The following SGCZ variants were observed in gnomAD, a reference collection of about 807,000 sequenced individuals.
SGCZ encodes the protein zeta-sarcoglycan.
A neutral mutation model predicts 41.3 loss-of-function variants in SGCZ; 40 were observed. The observed-to-expected ratio is 0.97, with a 90% CI of 0.75 to 1.26. The LOEUF is 1.26. Among genes scored for constraint, SGCZ ranks in the 50% most tolerant of loss-of-function variants. SGCZ has a pLI of 0.00. For synonymous variants in SGCZ, 206 were observed against 137.5 expected (o/e 1.50, Z -3.49); for missense variants, 552 against 369.8 (o/e 1.49, Z -4.04).
intron 1 of SGCZ, among the ~76,000 whole-genome samples, chr8:14,883,402 C>T (rs777905784): frequency 2.0e-5 from 3 of 151,962 alleles, no homozygotes; most frequent in Non-Finnish European, 4.4e-5. Context: ...TCTACTTGTG[C>T]TTTAGCCATA....
Position 14,253,846 on chromosome 8 carries a change from A to T in SGCZ, c.337-16167T>A, listed in dbSNP as rs1799371433. 1.3e-5 allele frequency among the ~76,000 whole-genome samples: 2 copies of T among 152,162 alleles called. 1 individual carries two copies. Among genetic ancestry groups the T allele is most frequent in the South Asian group, 4.1e-4 (2 of 4,832 alleles). On this transcript the variant is annotated intron_variant, in intron 3 of 7. Coordinates refer to ENST00000382080, the MANE Select transcript of SGCZ (RefSeq NM_139167.4). ...ATTGGTATAAATAATTTTTTCTCTC[A>T]AAGTGTGAACCTTCTCCTAGTGGAG...
At position 14,164,459 on chromosome 8, in the gene SGCZ, T is replaced by A. The variant is rs147318625; in HGVS notation, c.547+121A>T. ...TTGAAGGCTACTTGAAGAACAAACG[T>A]TGTGATTATGTAAGACTCTACTTTA... On this transcript the variant is annotated intron_variant, in intron 5 of 7. Coordinates refer to ENST00000382080, the MANE Select transcript of SGCZ (RefSeq NM_139167.4). The A allele has an allele frequency of 4.3e-5, 52 of 1,208,650 alleles. No individual in the cohort carries two copies. The African/African-American group carries it at 7.5e-4, about 18-fold the overall frequency. The allele number at this position is 1,208,650 out of a possible 1,614,324, so 74.9% of individuals were successfully genotyped here.
intron 1 of SGCZ, among the ~76,000 whole-genome samples, chr8:14,933,909 G>A (rs938401090): frequency 3.3e-5 from 5 of 151,896 alleles, no homozygotes; most frequent in African/African-American, 1.2e-4. Flanking sequence ...AAAACACACA[G>A]GGACAAAATA....
chr8:14,405,000 A>G (rs1011522843), intron 2 of SGCZ, among the ~76,000 whole-genome samples: 1 of 152,132 alleles, frequency 6.6e-6, no homozygotes, highest in Non-Finnish European at 1.5e-5. Context: ...TCGTGATTGC[A>G]CATCCAGCCT....
At chr8:14,196,641 C>G (rs1805275881) in intron 4 of SGCZ, among the ~76,000 whole-genome samples, 1 of 152,090 alleles carries the variant, frequency 6.6e-6, no homozygotes, top group Non-Finnish European at 1.5e-5. Flanking sequence ...TCTATATGTT[C>G]ATCGACTGGT....
rs567485922 is a variant in SGCZ, at chr8:15,190,887, G to C, written c.39+46698C>G. ...CCCTAATTCAATCACAACTGGAAAA[G>C]GTATACAGTTAGTTCTTCTGAGTTT... On this transcript the variant is annotated intron_variant, in intron 1 of 7. Coordinates refer to ENST00000382080, the MANE Select transcript of SGCZ (RefSeq NM_139167.4). Among the ~76,000 whole-genome samples the C allele has an allele frequency of 1.3e-3, 192 of 151,984 alleles. 4 individuals carry two copies. In the South Asian group the frequency reaches 0.014, roughly 11 times the overall value.
intron 1 of SGCZ, among the ~76,000 whole-genome samples, chr8:14,708,293 A>C (rs1809395748): frequency 6.6e-6 from 1 of 151,972 alleles, no homozygotes; most frequent in South Asian, 2.1e-4. Flanking sequence ...TTTTTCATAG[A>C]ATATTAATTT....
intron 2 of SGCZ, among the ~76,000 whole-genome samples, chr8:14,357,300 G>A (rs1378302989): frequency 6.6e-6 from 1 of 152,010 alleles, no homozygotes; most frequent in Non-Finnish European, 1.5e-5. Flanking sequence ...TAGTAGCAAA[G>A]CATACTTTGA....
chr8:14,097,368 G>A (rs1186195357), intron 7 of SGCZ, among the ~76,000 whole-genome samples: 1 of 152,162 alleles, frequency 6.6e-6, no homozygotes, highest in Non-Finnish European at 1.5e-5. Flanking sequence ...TAGTCATTCA[G>A]GAGCAGGTTG....
chr8:14,973,376 G>T (rs1405639437), intron 1 of SGCZ, among the ~76,000 whole-genome samples: 1 of 152,026 alleles, frequency 6.6e-6, no homozygotes, highest in Non-Finnish European at 1.5e-5. Context: ...TTTCCTTGCT[G>T]GTTGGTAAAG....
intron 1 of SGCZ, among the ~76,000 whole-genome samples, chr8:15,209,939 A>G (rs1244540438): frequency 3.9e-5 from 6 of 152,280 alleles, no homozygotes; most frequent in Non-Finnish European, 8.8e-5. Flanking sequence ...ATTATATTTT[A>G]GGAGATGGCA....
At chr8:14,672,879 A>G (rs561165947) in intron 1 of SGCZ, among the ~76,000 whole-genome samples, 13 of 152,172 alleles carry the variant, frequency 8.5e-5, no homozygotes, top group Non-Finnish European at 1.6e-4. Flanking sequence ...GGTCAGAAAA[A>G]TATTTTAGCC....
intron 2 of SGCZ, among the ~76,000 whole-genome samples, chr8:14,487,033 G>A (rs1265513104): frequency 6.6e-6 from 1 of 152,088 alleles, no homozygotes; most frequent in Non-Finnish European, 1.5e-5. Flanking sequence ...GAACAGTGAC[G>A]TGTTCACACT....
At chr8:15,188,064 C>T (rs919873333) in intron 1 of SGCZ, among the ~76,000 whole-genome samples, 3 of 151,824 alleles carry the variant, frequency 2.0e-5, no homozygotes, top group Non-Finnish European at 4.4e-5. Flanking sequence ...TTAATGTATG[C>T]TCGTTTAATT....
intron 2 of SGCZ, among the ~76,000 whole-genome samples, chr8:14,363,884 T>G (rs1803612207): frequency 6.6e-6 from 1 of 152,202 alleles, no homozygotes; most frequent in Admixed American, 6.5e-5. Flanking sequence ...TATTGGTTAT[T>G]TTGAAAATGT....
At chr8:14,803,125 A>C (rs1801381483) in intron 1 of SGCZ, among the ~76,000 whole-genome samples, 1 of 152,226 alleles carries the variant, frequency 6.6e-6, no homozygotes, top group Admixed American at 6.5e-5. Context: ...CATATATGTT[A>C]AGGGGACTTG....
In SGCZ at chr8:14,307,759, CAT is replaced by C. The variant is rs562856015; in HGVS notation, c.336+16342_336+16343del. On this transcript the variant is annotated intron_variant, in intron 3 of 7. Transcript: ENST00000382080. ...CTTTTTTAATATAAAGACATACAAA[CAT>C]ATAGATGAAATAATTTTCTCATCGT... Among the ~76,000 whole-genome samples, 23 of 151,888 alleles carry C rather than the reference CAT, an allele frequency of 1.5e-4. No homozygotes were observed. The East Asian group carries it at 4.5e-3, about 29-fold the overall frequency.
intron 6 of SGCZ, among the ~76,000 whole-genome samples, chr8:14,107,041 C>T (rs1036846533): frequency 6.6e-6 from 1 of 151,856 alleles, no homozygotes; most frequent in Non-Finnish European, 1.5e-5. Context: ...ATGGTGAAAC[C>T]CCGTCTCTAC....
intron 2 of SGCZ, among the ~76,000 whole-genome samples, chr8:14,464,121 C>T (rs1363474241): frequency 2.0e-5 from 3 of 151,554 alleles, no homozygotes; most frequent in Admixed American, 6.6e-5. Context: ...CTGGGTAATG[C>T]TTACCACATA....
Sources: allele counts gnomAD v4.1 joint callset (sites outside exome capture counted in the v4.1 genomes callset), GRCh38; gene constraint gnomAD v4.1.1; transcripts MANE v1.5; gene names NCBI Gene and HGNC (gene_info 2026-07-23, HGNC 2026-07-21).